PTPRD: variants seen among roughly 807,000 people sequenced by gnomAD.
PTPRD encodes receptor-type tyrosine-protein phosphatase delta.
In PTPRD, 34 loss-of-function variants were observed where a neutral mutation model predicts 214.5. The observed-to-expected ratio is 0.16, with a 90% CI of 0.12 to 0.21. PTPRD has a LOEUF of 0.21. Ranked by LOEUF, PTPRD falls within the 10% of genes least tolerant of loss-of-function variation. The probability of loss-of-function intolerance (pLI) is 1.00; values close to 1 mark genes in which losing one functional copy is unlikely to be tolerated. For synonymous variants in PTPRD, 1,128 were observed against 845.7 expected, an observed-to-expected ratio of 1.33 and a Z score of -5.79; for missense variants, 2,545 against 2,398.7, an observed-to-expected ratio of 1.06 and a Z score of -1.27.
At chr9:10,261,536 G>C (rs1413963925) in intron 3 of PTPRD, among the ~76,000 whole-genome samples, 1 of 152,046 alleles carries the variant, frequency 6.6e-6, no homozygotes, top group African/African-American at 2.4e-5. Context: ...TGTTGTGTGT[G>C]TGTATATATA....
intron 3 of PTPRD, among the ~76,000 whole-genome samples, chr9:10,211,900 A>G (rs1406173206): frequency 1.3e-5 from 2 of 152,174 alleles, no homozygotes; most frequent in African/African-American, 4.8e-5. Flanking sequence ...CTTTACCACT[A>G]TGCAATATGC....
intron 11 of PTPRD, among the ~76,000 whole-genome samples, chr9:8,899,571 C>G (rs923869952): frequency 6.6e-6 from 1 of 152,102 alleles, no homozygotes; most frequent in African/African-American, 2.4e-5. Context: ...TTTGCTCCCC[C>G]CATCCTGCAA....
chr9:8,679,536 G>A (rs962377590), intron 12 of PTPRD, among the ~76,000 whole-genome samples: 2 of 152,180 alleles, frequency 1.3e-5, no homozygotes, highest in African/African-American at 2.4e-5. Flanking sequence ...AGCATAGAAC[G>A]CCTTCAACTC....
chr9:8,692,227 C>G (rs935094779), intron 12 of PTPRD, among the ~76,000 whole-genome samples: 6 of 152,216 alleles, frequency 3.9e-5, no homozygotes, highest in Non-Finnish European at 7.3e-5. Flanking sequence ...CTGTTATAAA[C>G]AGTCTACCAT....
At chr9:10,576,904 C>CT (rs1467665615) in intron 2 of PTPRD, among the ~76,000 whole-genome samples, 1 of 152,046 alleles carries the variant, frequency 6.6e-6, no homozygotes, top group Non-Finnish European at 1.5e-5. Flanking sequence ...AACACTCACC[C>CT]TTATATTTAA....
intron 9 of PTPRD, among the ~76,000 whole-genome samples, chr9:9,335,130 G>T (rs780711021): frequency 1.3e-5 from 2 of 151,882 alleles, no homozygotes; most frequent in South Asian, 2.1e-4. Context: ...TGAAAATTTG[G>T]TTTTTGCCTG....
chr9:9,723,913 T>G (rs193008815), intron 7 of PTPRD, among the ~76,000 whole-genome samples: 11 of 152,190 alleles, frequency 7.2e-5, no homozygotes, highest in East Asian at 3.9e-4. Flanking sequence ...TTAAGTAGAT[T>G]CCTTAGGATT....
At chr9:8,901,378 T>A (rs2154251716) in intron 11 of PTPRD, among the ~76,000 whole-genome samples, 1 of 152,320 alleles carries the variant, frequency 6.6e-6, no homozygotes, top group Non-Finnish European at 1.5e-5. Context: ...TCCATCAATA[T>A]GAATGACTAG....
chr9:8,789,319 T>C (rs1164747632), intron 11 of PTPRD, among the ~76,000 whole-genome samples: 4 of 152,184 alleles, frequency 2.6e-5, no homozygotes, highest in Admixed American at 6.5e-5. Context: ...TGACCCAAAA[T>C]GTGTCAATGA....
intron 14 of PTPRD, among the ~76,000 whole-genome samples, chr9:8,609,977 C>G (rs1595176964): frequency 6.6e-6 from 1 of 152,128 alleles, no homozygotes; most frequent in Non-Finnish European, 1.5e-5. Flanking sequence ...GCTACTAAGG[C>G]TCACTGTAGC....
At chr9:9,225,202 A>G (rs2099958644) in intron 9 of PTPRD, among the ~76,000 whole-genome samples, 1 of 152,016 alleles carries the variant, frequency 6.6e-6, no homozygotes, top group African/African-American at 2.4e-5. Context: ...TTCCAGAATC[A>G]TTGCAAATGG....
intron 2 of PTPRD, among the ~76,000 whole-genome samples, chr9:10,549,639 T>C (rs779923635): frequency 1.3e-5 from 2 of 152,110 alleles, no homozygotes; most frequent in Non-Finnish European, 2.9e-5. Flanking sequence ...TCAGTGTATA[T>C]CCACTCCAGA....
At chr9:9,369,823 A>C (rs1376111032) in intron 9 of PTPRD, among the ~76,000 whole-genome samples, 2 of 152,092 alleles carry the variant, frequency 1.3e-5, no homozygotes, top group Non-Finnish European at 2.9e-5. Flanking sequence ...TCAGCTTTCT[A>C]CATATGGCTA....
intron 2 of PTPRD, among the ~76,000 whole-genome samples, chr9:10,599,508 C>T (rs960054456): frequency 3.3e-5 from 5 of 151,676 alleles, no homozygotes; most frequent in Non-Finnish European, 5.9e-5. Context: ...GGAATTCTGA[C>T]ATATGACCCC....
At chr9:10,266,142 TACAC>T (rs950484688) in intron 3 of PTPRD, among the ~76,000 whole-genome samples, 4 of 151,854 alleles carry the variant, frequency 2.6e-5, no homozygotes, top group African/African-American at 9.7e-5. Context: ...GACACACACA[TACAC>T]ACACACAGAC....
intron 7 of PTPRD, among the ~76,000 whole-genome samples, chr9:9,615,913 C>T (rs913899072): frequency 6.6e-6 from 1 of 152,168 alleles, no homozygotes; most frequent in Non-Finnish European, 1.5e-5. Flanking sequence ...TGTATAACTA[C>T]TCTCTATTTT....
chr9:9,968,950 C>A (rs940025149), intron 4 of PTPRD, among the ~76,000 whole-genome samples: 1 of 152,092 alleles, frequency 6.6e-6, no homozygotes, highest in African/African-American at 2.4e-5. Flanking sequence ...AAGGCCCCCA[C>A]GATAAGCTGG....
At chr9:9,016,895 C>A (rs1316427574) in intron 11 of PTPRD, among the ~76,000 whole-genome samples, 1 of 152,016 alleles carries the variant, frequency 6.6e-6, no homozygotes, top group Non-Finnish European at 1.5e-5. Context: ...CATTGAGGAG[C>A]AGGAAGATAA....
At chr9:10,560,846 C>T (rs1270028863) in intron 2 of PTPRD, among the ~76,000 whole-genome samples, 2 of 152,140 alleles carry the variant, frequency 1.3e-5, no homozygotes, top group African/African-American at 2.4e-5. Context: ...TAGTGGCTAC[C>T]ATACTGTACA....
Sources: gnomAD v4.1 joint callset for allele counts (sites outside exome capture counted in the v4.1 genomes callset) on GRCh38, gnomAD v4.1.1 for gene constraint, MANE v1.5 for transcripts, NCBI Gene and HGNC (gene_info 2026-07-23, HGNC 2026-07-21) for gene names.